Variants in POC1A observed in about 807,000 individuals in gnomAD.
POC1A encodes the protein POC1 centriolar protein homolog A.
Under a neutral mutation model 47.8 loss-of-function variants are expected in POC1A, and 34 were observed. That is an observed-to-expected ratio of 0.71 (90% CI 0.54 to 0.95). The LOEUF (loss-of-function observed/expected upper bound fraction) is 0.95, where lower values mean the gene tolerates loss of function less well. POC1A is among the 40% of genes least tolerant of loss of function. The pLI is 0.00. For missense variants in POC1A, 466 were observed against 528.3 expected (o/e 0.88, Z 1.16); for synonymous variants, 177 against 207.6 (o/e 0.85, Z 1.27).
At chr3:52,094,220 C>A (rs549619779) in intron 10 of POC1A, among the ~76,000 whole-genome samples, 1 of 152,206 alleles carries the variant, frequency 6.6e-6, no homozygotes, top group Non-Finnish European at 1.5e-5. Flanking sequence ...CAGGACTGGG[C>A]AGATGGCAAG....
Position 52,105,017 on chromosome 3 carries a change from C to T in POC1A, c.982-8305G>A, listed in dbSNP as rs1287146074. On this transcript the variant is annotated intron_variant, in intron 9 of 10. Transcript: ENST00000296484. ...TCTACTTTTCTTTTAATTTCTAACACTGGACCATGCCCTTTGTCCAGCCCG... is the reference window on the plus strand; with the variant it reads ...TCTACTTTTCTTTTAATTTCTAACATTGGACCATGCCCTTTGTCCAGCCCG... Among the ~76,000 whole-genome samples, 3 of 152,234 alleles carry T rather than the reference C, an allele frequency of 2.0e-5. No individual in the cohort carries two copies. The East Asian group carries it at 5.8e-4, about 29-fold the overall frequency.
At position 52,147,092 on chromosome 3, in the gene POC1A, G is replaced by GAA. The variant is rs1698393171; in HGVS notation, c.457_458dup (p.Asp156ProfsTer57). On this transcript the variant is annotated frameshift_variant, in exon 5 of 11. Coordinates refer to ENST00000296484, the MANE Select transcript of POC1A (RefSeq NM_015426.5). LOFTEE classifies it high-confidence loss of function. ...ACACGATGAGCCGCCCGTCGGGGGAGAACCTGAACCGGGTGGGGCACAAGT... is the reference window on the plus strand; with the variant it reads ...ACACGATGAGCCGCCCGTCGGGGGAGAAAACCTGAACCGGGTGGGGCACAAGT... The GAA allele has an allele frequency of 1.4e-5, 23 of 1,613,202 alleles. No individual in the cohort carries two copies. The highest frequency in any genetic ancestry group is 2.0e-5 in the Non-Finnish European group (23 of 1,179,232).
intron 7 of POC1A, among the ~76,000 whole-genome samples, chr3:52,128,396 G>C (rs1012264755): frequency 6.6e-6 from 1 of 152,158 alleles, no homozygotes; most frequent in African/African-American, 2.4e-5. Context: ...GCTCCTTTAC[G>C]AGACCAAACC....
In POC1A at chr3:52,125,198, A is replaced by G; in HGVS notation, c.814-17T>C. On this transcript the variant is annotated splice_polypyrimidine_tract_variant and intron_variant, in intron 7 of 10. Coordinates refer to ENST00000296484, the MANE Select transcript of POC1A (RefSeq NM_015426.5). Reference sequence around the variant, plus strand: ...GGCTGGTCCCTGGCAGAACAAACAAAAAATAACACACATCAAAGGTCATTC... The same window carrying G: ...GGCTGGTCCCTGGCAGAACAAACAAGAAATAACACACATCAAAGGTCATTC... 6.3e-7 allele frequency: 1 copy of G among 1,597,832 alleles called. No individual in the cohort carries two copies. The highest frequency in any genetic ancestry group is 8.6e-7 in the Non-Finnish European group (1 of 1,166,240).
chr3:52,080,991 C>G (rs531669038), intron 10 of POC1A, among the ~76,000 whole-genome samples: 62 of 152,332 alleles, frequency 4.1e-4, no homozygotes, highest in Admixed American at 7.8e-4. Context: ...CAGCAGGGCT[C>G]CAGAAGTTTT....
rs149945222 is a variant in POC1A, at chr3:52,083,326, C to T, written c.1126-7341G>A. Among the ~76,000 whole-genome samples the T allele has an allele frequency of 1.2e-4, 18 of 152,156 alleles. No individual in the cohort carries two copies. The East Asian group carries it at 3.1e-3, about 26-fold the overall frequency. ...GTGAGGCCCCCACCCTCATACGTGG[C>T]GAAACAGAGCAAACAAGGACAGGTG... On this transcript the variant is annotated intron_variant, in intron 10 of 10. Transcript: ENST00000296484.
intron 1 of POC1A, 93 bp downstream of exon 1, chr3:52,154,262 G>C: frequency 7.4e-7 from 1 of 1,355,038 alleles, no homozygotes; most frequent in Non-Finnish European, 1.0e-6. Flanking sequence ...CTGGCGCCCC[G>C]CCCGCCCCTC....
At chr3:52,102,645 C>A (rs1189858457) in intron 9 of POC1A, among the ~76,000 whole-genome samples, 1 of 152,222 alleles carries the variant, frequency 6.6e-6, no homozygotes, top group Non-Finnish European at 1.5e-5. Flanking sequence ...GTAGACATAT[C>A]TTTCAGGGAG....
intron 10 of POC1A, among the ~76,000 whole-genome samples, chr3:52,088,307 T>G (rs552813197): frequency 6.6e-6 from 1 of 152,262 alleles, no homozygotes; most frequent in African/African-American, 2.4e-5. Flanking sequence ...TGAGCAATCA[T>G]CTTAGCGAGC....
intron 9 of POC1A, among the ~76,000 whole-genome samples, chr3:52,102,219 A>G (rs971479241): frequency 1.3e-5 from 2 of 152,238 alleles, no homozygotes; most frequent in Non-Finnish European, 2.9e-5. Flanking sequence ...TAGCACCAAA[A>G]CAACATGAAG....
intron 9 of POC1A, among the ~76,000 whole-genome samples, chr3:52,110,823 G>A (rs932388743): frequency 1.3e-5 from 2 of 152,218 alleles, no homozygotes; most frequent in East Asian, 3.8e-4. Flanking sequence ...CTGTGACTCA[G>A]GTTCATTTCC....
At chr3:52,082,011 A>G (rs1166430733) in intron 10 of POC1A, among the ~76,000 whole-genome samples, 4 of 152,066 alleles carry the variant, frequency 2.6e-5, no homozygotes, top group Non-Finnish European at 5.9e-5. Context: ...GAGGCAGAAG[A>G]CGGGCTCCAG....
chr3:52,093,162 G>A, intron 10 of POC1A, among the ~76,000 whole-genome samples: 1 of 152,204 alleles, frequency 6.6e-6, no homozygotes, highest in African/African-American at 2.4e-5. Flanking sequence ...GAGGACCCAT[G>A]GCCTTGACCC....
chr3:52,089,286 G>T (rs1289558283), intron 10 of POC1A, among the ~76,000 whole-genome samples: 1 of 152,006 alleles, frequency 6.6e-6, no homozygotes, highest in East Asian at 1.9e-4. Context: ...TAGTAACAGG[G>T]CTGGGGAATC....
chr3:52,085,984 T>C (rs1702446458), intron 10 of POC1A, among the ~76,000 whole-genome samples: 3 of 152,166 alleles, frequency 2.0e-5, no homozygotes, highest in South Asian at 4.1e-4. Flanking sequence ...GGGCAGCCTG[T>C]GGTCAGGTTT....
rs1698346626 is a variant in POC1A, at chr3:52,145,888, C to A, written c.637G>T (p.Val213Leu). ...AAAGMDNTVK[V>L]WDVRTHRLLQ... Reference sequence around the variant, plus strand: ...AGCCGGTGAGTCCGCACGTCCCACACCTTCACTGTGTTGTCCATGCCGGCA... The same window carrying A: ...AGCCGGTGAGTCCGCACGTCCCACAACTTCACTGTGTTGTCCATGCCGGCA... Residue 213 changes from valine (V) to leucine (L), a missense_variant, in exon 6 of 11, where the codon GTG becomes TTG. By Grantham distance (32) the Val-to-Leu change is conservative (BLOSUM62 1). Transcript: ENST00000296484. The A allele has an allele frequency of 3.1e-6, 5 of 1,613,958 alleles. No individual in the cohort carries two copies. The highest frequency in any genetic ancestry group is 1.3e-5 in the African/African-American group (1 of 75,068).
intron 9 of POC1A, among the ~76,000 whole-genome samples, chr3:52,108,614 C>A (rs1703269908): frequency 6.6e-6 from 1 of 152,186 alleles, no homozygotes. Flanking sequence ...CATCACAGGA[C>A]ACGAGCAAAG....
At chr3:52,138,328 C>T in intron 6 of POC1A, 26 bp from the exon 7 acceptor site, 1 of 1,598,644 alleles carries the variant, frequency 6.3e-7, no homozygotes, top group East Asian at 2.3e-5. Flanking sequence ...CAGTCAGGTG[C>T]TGGCTAGGAG....
At chr3:52,102,378 C>T (rs1215953799) in intron 9 of POC1A, among the ~76,000 whole-genome samples, 3 of 152,178 alleles carry the variant, frequency 2.0e-5, no homozygotes, top group Non-Finnish European at 4.4e-5. Context: ...GAGAATGCTG[C>T]CTTCCCTCTT....
Sources: allele counts gnomAD v4.1 joint callset (sites outside exome capture counted in the v4.1 genomes callset), GRCh38; gene constraint gnomAD v4.1.1; transcripts MANE v1.5; gene names NCBI Gene and HGNC (gene_info 2026-07-23, HGNC 2026-07-21).